Variants in CLCA4 observed in about 807,000 individuals in gnomAD.
CLCA4 encodes the protein calcium-activated chloride channel regulator 4.
In CLCA4, 69 loss-of-function variants were observed where a neutral mutation model predicts 78.9. That is an observed-to-expected ratio of 0.87 (90% CI 0.72 to 1.07). The LOEUF is 1.07. CLCA4 is among the 50% of genes least tolerant of loss of function. The pLI is 0.00. For missense variants in CLCA4, 1,133 were observed against 1,095.8 expected, an observed-to-expected ratio of 1.03 and a Z score of -0.48; for synonymous variants, 362 against 375.8, an observed-to-expected ratio of 0.96 and a Z score of 0.42.
chr1:86,553,944 AG>A (rs974789817), intron 1 of CLCA4, among the ~76,000 whole-genome samples: 2 of 152,040 alleles, frequency 1.3e-5, no homozygotes, highest in African/African-American at 4.8e-5. Flanking sequence ...CAAAAAAAAA[AG>A]TTTGTGTGTC....
chr1:86,557,144 A>G (rs1002565801), intron 1 of CLCA4, among the ~76,000 whole-genome samples: 1 of 152,014 alleles, frequency 6.6e-6, no homozygotes, highest in African/African-American at 2.4e-5. Context: ...AATTTTTTCA[A>G]AAATTAGATC....
intron 3 of CLCA4, 75 bp downstream of exon 3, chr1:86,560,433 C>A: frequency 1.4e-6 from 2 of 1,462,070 alleles, no homozygotes; most frequent in Non-Finnish European, 1.9e-6. Flanking sequence ...AGTGTGCAGG[C>A]CATGGGGCCA....
rs1385819329 is a variant in CLCA4, at chr1:86,580,698, A to C, written c.*353A>C. ...TTGCATCAAGAAATTAAAATCATCT[A>C]TCTGAGTAGTCAAAATACAAGTAAA... On this transcript the variant is annotated 3_prime_UTR_variant, in exon 14 of 14. Transcript: ENST00000370563. 5.9e-6 allele frequency: 1 copy of C among 170,700 alleles called. No individual in the cohort carries two copies. The highest frequency in any genetic ancestry group is 2.4e-5 in the African/African-American group (1 of 42,180). 10.6% of individuals were successfully genotyped at this position (170,700 alleles called of 1,614,324 possible).
chr1:86,575,999 A>G (rs978769026), intron 11 of CLCA4, among the ~76,000 whole-genome samples: 1 of 152,102 alleles, frequency 6.6e-6, no homozygotes, highest in Admixed American at 6.5e-5. Context: ...GGATGAGGAC[A>G]GAGGATCACT....
In CLCA4 at chr1:86,579,562, A is replaced by G. The variant is rs1650642594; in HGVS notation, c.2331A>G (p.Pro777=). Residue 777 remains proline (P), a synonymous_variant, in exon 13 of 14, where the codon CCA becomes CCG. Transcript: ENST00000370563. ...AGATTATTCTTACATGGACAGCACCAGGAGATAATTTTGATGTTGGAAAAG... is the reference window on the plus strand; with the variant it reads ...AGATTATTCTTACATGGACAGCACCGGGAGATAATTTTGATGTTGGAAAAG... ...EDKIILTWTA[P]GDNFDVGKVQ... The G allele has an allele frequency of 1.3e-6, 2 of 1,511,570 alleles. No individual in the cohort carries two copies. Among genetic ancestry groups the G allele is most frequent in the East Asian group, 5.3e-5 (2 of 37,588 alleles). The allele number at this position is 1,511,570 out of a possible 1,614,324, so 93.6% of individuals were successfully genotyped here.
chr1:86,565,984 T>C lies in CLCA4; in HGVS notation c.918T>C (p.Ile306=). 1 of 1,613,036 alleles carries C rather than the reference T, an allele frequency of 6.2e-7. No homozygotes were observed. The highest frequency in any genetic ancestry group is 1.3e-5 in the African/African-American group (1 of 74,972). The part of the protein sequence containing the change: ...VFSLLKISQR[I]VCLVLDKSGS... The stretch of plus-strand genomic sequence containing the variant: ...CATTGCTGAAGATCAGTCAAAGAAT[T>C]GTGTGCTTAGTTCTTGATAAGTCTG... Residue 306 remains isoleucine, a synonymous_variant, in exon 6 of 14, where the codon ATT becomes ATC. Coordinates refer to ENST00000370563, the MANE Select transcript of CLCA4 (RefSeq NM_012128.4).
intron 2 of CLCA4, 46 bp downstream of exon 2, chr1:86,560,118 A>C: frequency 6.4e-7 from 1 of 1,554,776 alleles, no homozygotes; most frequent in Non-Finnish European, 8.7e-7. Context: ...TTCTGATATT[A>C]ACCATTTTTG....
chr1:86,552,917 C>A, intron 1 of CLCA4: 1 of 667,572 alleles, frequency 1.5e-6, no homozygotes, highest in South Asian at 1.7e-5. Context: ...CCCAGACGCT[C>A]CTCCCTCTGC....
At position 86,575,513 on chromosome 1, in the gene CLCA4, T is replaced by G; in HGVS notation, c.1865T>G (p.Val622Gly). 6.2e-7 allele frequency: 1 copy of G among 1,613,432 alleles called. No homozygotes were observed. The highest frequency in any genetic ancestry group is 8.5e-7 in the Non-Finnish European group (1 of 1,179,540). ...IVYAEILQGY[V>G]PVLGANVTAF... ...TACGCAGAAATTCTACAAGGATATG[T>G]ACCTGTTCTTGGAGCCAATGTGACT... is the stretch of plus-strand genomic sequence containing the variant. The change falls in exon 11 of 14, where the codon GTA (valine) becomes GGA (glycine). Residue 622 changes from valine to glycine, a missense_variant. Transcript: ENST00000370563.
intron 1 of CLCA4, among the ~76,000 whole-genome samples, chr1:86,548,557 C>T (rs1649564305): frequency 6.6e-6 from 1 of 151,778 alleles, no homozygotes. Flanking sequence ...TGGCACATGC[C>T]TGTAATCCCA....
chr1:86,569,675 C>T (rs1272060483), intron 7 of CLCA4, among the ~76,000 whole-genome samples: 1 of 151,876 alleles, frequency 6.6e-6, no homozygotes, highest in Admixed American at 6.6e-5. Flanking sequence ...TAAACTGTAA[C>T]ACTACACTGT....
rs749833337 is a variant in CLCA4 at position 86,565,297 on chromosome 1, G to A, written c.581G>A (p.Arg194Lys). Residue 194 changes from arginine (R) to lysine (K), a missense_variant, in exon 5 of 14, where the codon AGA (arginine) becomes AAA (lysine). Physicochemically the swap from Arg to Lys is conservative, Grantham distance 26. Transcript: ENST00000370563. ...AGGTGTTCCGCAGGTATCTCTGGTA[G>A]AAATAGAGTTTATAAGTGTCAAGGA... ...ATRCSAGISGRNRVYKCQGGS... is the reference protein window; with the variant it reads ...ATRCSAGISGKNRVYKCQGGS... 5.0e-6 allele frequency: 8 copies of A among 1,600,808 alleles called. No homozygotes were observed. The South Asian group carries it at 9.1e-5, about 18-fold the overall frequency.
chr1:86,579,861 T>G, intron 13 of CLCA4, 81 bp from the exon 14 acceptor site: 2 of 981,844 alleles, frequency 2.0e-6, no homozygotes, highest in Non-Finnish European at 3.0e-6. Context: ...TTTGCATAAC[T>G]AGACATTTTT....
intron 1 of CLCA4, among the ~76,000 whole-genome samples, chr1:86,555,552 G>T (rs1649813850): frequency 6.6e-6 from 1 of 151,950 alleles, no homozygotes. Context: ...GTGTTCTGTT[G>T]GTCTAGGCCT....
rs1650492224 is a variant in CLCA4, at chr1:86,575,608, C to T, written c.1951+9C>T. ...TTTGGATAATGGTGCAGGTAATTCA[C>T]AGGTTTTTATGAATAAGCCAATATT... On this transcript the variant is annotated intron_variant, in intron 11 of 13. Coordinates refer to ENST00000370563, the MANE Select transcript of CLCA4 (RefSeq NM_012128.4). 6.2e-7 allele frequency: 1 copy of T among 1,608,706 alleles called. No individual in the cohort carries two copies. Among genetic ancestry groups the T allele is most frequent in the Non-Finnish European group, 8.5e-7 (1 of 1,176,714 alleles).
intron 1 of CLCA4, among the ~76,000 whole-genome samples, chr1:86,559,643 T>G (rs1316732942): frequency 2.6e-5 from 4 of 152,192 alleles, no homozygotes; most frequent in Admixed American, 2.6e-4. Flanking sequence ...CGTAAATGAC[T>G]CCAAAGTCCA....
chr1:86,571,011 A>G, intron 7 of CLCA4, 66 bp from the exon 8 acceptor site: 1 of 1,202,604 alleles, frequency 8.3e-7, no homozygotes, highest in Non-Finnish European at 1.2e-6. Flanking sequence ...ATTTTTTCTC[A>G]TTTCCCATTT....
chr1:86,562,776 C>A (rs1330683032), intron 3 of CLCA4, among the ~76,000 whole-genome samples: 1 of 150,048 alleles, frequency 6.7e-6, no homozygotes, highest in Admixed American at 6.7e-5. Context: ...ATCACTTGAA[C>A]CCAGGATGCA....
Position 86,559,983 on chromosome 1 carries a change from T to C in CLCA4, c.211T>C (p.Phe71Leu), listed in dbSNP as rs1287974516. Reference protein sequence around the residue: ...TYLFEATEKRFFFKNVSILIP... With the variant: ...TYLFEATEKRLFFKNVSILIP... ...CCTGTTTGAAGCCACAGAAAAAAGATTTTTTTTCAAAAATGTATCTATATT... is the reference window on the plus strand; with the variant it reads ...CCTGTTTGAAGCCACAGAAAAAAGACTTTTTTTCAAAAATGTATCTATATT... Residue 71 changes from phenylalanine (F) to leucine (L), a missense_variant, in exon 2 of 14, where the codon TTT (phenylalanine) becomes CTT (leucine). Phe to Leu is a conservative substitution (Grantham distance 22, BLOSUM62 0). Transcript: ENST00000370563. The C allele has an allele frequency of 7.5e-6, 12 of 1,607,290 alleles. No individual in the cohort carries two copies. The Middle Eastern group carries it at 1.2e-3, about 155-fold the overall frequency.
Sources: allele counts gnomAD v4.1 joint callset (sites outside exome capture counted in the v4.1 genomes callset), GRCh38; gene constraint gnomAD v4.1.1; transcripts MANE v1.5; gene names NCBI Gene and HGNC (gene_info 2026-07-23, HGNC 2026-07-21).